TATDN3: variants seen among roughly 807,000 people sequenced by gnomAD.
The protein encoded by TATDN3 is deoxyribonuclease TATDN3.
TATDN3 carries 29 observed loss-of-function variants against 40.1 expected under a neutral mutation model. The ratio of observed to expected loss-of-function variants is 0.72; its 90% CI spans 0.54 to 0.99. The LOEUF (loss-of-function observed/expected upper bound fraction) is 0.99. Among genes scored for constraint, TATDN3 ranks in the 50% least tolerant of loss-of-function variants. The pLI, the probability that TATDN3 is intolerant of heterozygous loss-of-function variation, is 0.00. For missense variants in TATDN3, 309 were observed against 321.9 expected, an observed-to-expected ratio of 0.96 and a Z score of 0.31; for synonymous variants, 105 against 117.0, an observed-to-expected ratio of 0.90 and a Z score of 0.66.
chr1:212,812,420 A>G, intron 9 of TATDN3, 92 bp downstream of exon 9: 1 of 734,686 alleles, frequency 1.4e-6, no homozygotes, highest in Non-Finnish European at 2.3e-6. Flanking sequence ...TAGTGTAAAT[A>G]CAGTGGAATC....
intron 7 of TATDN3, among the ~76,000 whole-genome samples, chr1:212,806,783 T>TATATATATATATATATATAC (rs796710955): frequency 2.5e-5 from 2 of 79,522 alleles, no homozygotes; most frequent in Non-Finnish European, 4.8e-5. Flanking sequence ...TATATATATA[T>TATATATATATATATATATAC]ACACACACAC....
chr1:212,799,698 C>T (rs946650331), intron 4 of TATDN3, among the ~76,000 whole-genome samples: 9 of 152,054 alleles, frequency 5.9e-5, no homozygotes, highest in Non-Finnish European at 1.0e-4. Context: ...CCACTACACC[C>T]GGCTAATTTT....
Position 212,797,118 on chromosome 1 carries a change from T to C in TATDN3, c.180T>C (p.Asn60=), listed in dbSNP as rs1292985900. Residue 60 remains asparagine, a synonymous_variant, in exon 4 of 10, where the codon AAT becomes AAC. Transcript: ENST00000366974. ...GTTGGTTCTACATTTTTAGGTATAATGGGTTTGTCCTGCCATGCTTGGGTG... is the reference window on the plus strand; with the variant it reads ...GTTGGTTCTACATTTTTAGGTATAACGGGTTTGTCCTGCCATGCTTGGGTG... The part of the protein sequence containing the change: ...EKIMQLSERY[N]GFVLPCLGVH... 1 of 1,613,866 alleles carries C rather than the reference T, an allele frequency of 6.2e-7. No individual in the cohort carries two copies. The highest frequency in any genetic ancestry group is 1.3e-5 in the African/African-American group (1 of 74,940).
intron 4 of TATDN3, among the ~76,000 whole-genome samples, chr1:212,799,717 T>G (rs926276118): frequency 4.6e-5 from 7 of 152,070 alleles, no homozygotes; most frequent in Non-Finnish European, 7.3e-5. Flanking sequence ...TTTTGTATTT[T>G]TAGTAGAGTT....
intron 7 of TATDN3, among the ~76,000 whole-genome samples, chr1:212,807,048 ACT>A (rs1445134937): frequency 6.7e-6 from 1 of 150,100 alleles, no homozygotes; most frequent in Non-Finnish European, 1.5e-5. Context: ...GGTTCAAGTG[ACT>A]CTCCTGCCTC....
intron 7 of TATDN3, among the ~76,000 whole-genome samples, chr1:212,807,120 A>G (rs1662588511): frequency 6.6e-6 from 1 of 150,772 alleles, no homozygotes; most frequent in African/African-American, 2.4e-5. Flanking sequence ...ATTTTTTTGT[A>G]TTTTTAGTAG....
chr1:212,806,835 T>C (rs139303192), intron 7 of TATDN3, among the ~76,000 whole-genome samples: 11,514 of 35,156 alleles, frequency 0.33, 2,070 homozygotes, highest in Admixed American at 0.6. Flanking sequence ...TACATATATA[T>C]ACATATATAC....
Position 212,802,714 on chromosome 1 carries a change from C to G in TATDN3, c.272C>G (p.Ala91Gly), listed in dbSNP as rs755039378. The stretch of plus-strand genomic sequence containing the variant: ...TTTTTCTCCCAGGATTTGGATGTAG[C>G]TTTGCCCATTATTGAGAATTATAAG... ...RSVTLKDLDV[A>G]LPIIENYKDR... is the part of the protein sequence containing the mutation. The change falls in exon 5 of 10, where the codon GCT (alanine) becomes GGT (glycine). Residue 91 changes from alanine to glycine, a missense_variant. Transcript: ENST00000366974. 1 of 1,612,424 alleles carries G rather than the reference C, an allele frequency of 6.2e-7. No individual in the cohort carries two copies. The highest frequency in any genetic ancestry group is 8.5e-7 in the Non-Finnish European group (1 of 1,178,498).
At chr1:212,792,098 C>T (rs541688446) in intron 1 of TATDN3, 111 bp downstream of exon 1, 38 of 1,101,436 alleles carry the variant, frequency 3.5e-5, no homozygotes, top group Non-Finnish European at 4.8e-5. Context: ...CCCGCCCAGA[C>T]CCTTGTTTAT....
intron 8 of TATDN3, among the ~76,000 whole-genome samples, chr1:212,809,451 G>A (rs983332364): frequency 5.3e-5 from 8 of 151,568 alleles, no homozygotes; most frequent in East Asian, 2.0e-4. Context: ...TTGGGAGGCC[G>A]AGGCGGGCAG....
chr1:212,792,809 G>A (rs1661436475), intron 1 of TATDN3: 1 of 152,152 alleles, frequency 6.6e-6, no homozygotes, highest in African/African-American at 2.4e-5. Context: ...GTGAGACCCC[G>A]TCTCAATTAA....
At chr1:212,797,072 T>A (rs1468305384) in intron 3 of TATDN3, 40 bp from the exon 4 acceptor site, 1 of 1,461,132 alleles carries the variant, frequency 6.8e-7, no homozygotes, top group Admixed American at 1.7e-5. Context: ...AATCTACTAG[T>A]CTACTGTTCC....
chr1:212,806,845 C>CACATATATACATATGTATAT, intron 7 of TATDN3, among the ~76,000 whole-genome samples: 1 of 90,950 alleles, frequency 1.1e-5, no homozygotes, highest in Non-Finnish European at 2.1e-5. Context: ...TACATATATA[C>CACATATATACATATGTATAT]ACATATATAC....
intron 7 of TATDN3, among the ~76,000 whole-genome samples, chr1:212,806,628 A>T (rs1321811451): frequency 6.7e-6 from 1 of 148,774 alleles, no homozygotes; most frequent in Admixed American, 6.7e-5. Flanking sequence ...AGATCCTCCC[A>T]TCTCAGCATC....
intron 8 of TATDN3, among the ~76,000 whole-genome samples, chr1:212,808,084 G>A (rs1478461381): frequency 4.6e-5 from 7 of 152,050 alleles, no homozygotes; most frequent in South Asian, 4.1e-4. Context: ...AGGCTGAAGC[G>A]GGTAGATCAC....
At chr1:212,814,741 C>T (rs2102491766) in intron 9 of TATDN3, among the ~76,000 whole-genome samples, 1 of 152,298 alleles carries the variant, frequency 6.6e-6, no homozygotes, top group Middle Eastern at 3.4e-3. Context: ...AGGCAGGTTA[C>T]CAGGTGTTCA....
At chr1:212,809,697 AAG>A in intron 8 of TATDN3, among the ~76,000 whole-genome samples, 1 of 151,096 alleles carries the variant, frequency 6.6e-6, no homozygotes, top group African/African-American at 2.4e-5. Flanking sequence ...AAAAAAAAAA[AAG>A]AAAAAAGAAA....
chr1:212,797,037 C>G, intron 3 of TATDN3, 75 bp from the exon 4 acceptor site: 2 of 1,192,450 alleles, frequency 1.7e-6, no homozygotes, highest in Non-Finnish European at 2.5e-6. Context: ...TGCCCGACCT[C>G]TACTTATTCT....
chr1:212,797,312 CAT>C (rs1661845264), intron 4 of TATDN3, 116 bp downstream of exon 4: 1 of 752,736 alleles, frequency 1.3e-6, no homozygotes, highest in South Asian at 1.9e-5. Context: ...AAGAAGGAAA[CAT>C]TACCTTCTTT....
Sources: gnomAD v4.1 joint callset for allele counts (sites outside exome capture counted in the v4.1 genomes callset) on GRCh38, gnomAD v4.1.1 for gene constraint, MANE v1.5 for transcripts, NCBI Gene and HGNC (gene_info 2026-07-23, HGNC 2026-07-21) for gene names.